Variants in MACROD2 observed in about 807,000 individuals in gnomAD.
MACROD2 encodes the protein ADP-ribose glycohydrolase MACROD2.
MACROD2 carries 36 observed loss-of-function variants against 70.4 expected under a neutral mutation model. The ratio of observed to expected loss-of-function variants is 0.51; its 90% CI spans 0.39 to 0.68. The LOEUF (loss-of-function observed/expected upper bound fraction) is 0.68, where lower values mean the gene tolerates loss of function less well. MACROD2 is among the 30% of genes least tolerant of loss of function. The pLI is 0.00. For missense variants in MACROD2, 496 were observed against 538.4 expected (o/e 0.92, Z 0.78); for synonymous variants, 172 against 178.8 (o/e 0.96, Z 0.30).
At chr20:15,360,887 C>T (rs552002208) in intron 6 of MACROD2, among the ~76,000 whole-genome samples, 1 of 151,350 alleles carries the variant, frequency 6.6e-6, no homozygotes, top group East Asian at 1.9e-4. Flanking sequence ...ATGTCCTTTG[C>T]CCATTTTCTA....
Position 15,519,052 on chromosome 20 carries a change from CTCTTTCCT to C in MACROD2, c.645+19208_645+19215del, listed in dbSNP as rs1275132976. 2.4e-4 allele frequency among the ~76,000 whole-genome samples: 34 copies of C among 141,830 alleles called. 1 individual carries two copies. The East Asian group carries it at 7.6e-3, about 32-fold the overall frequency. The allele number at this position is 141,830 out of a possible 152,430, so 93.0% of individuals were successfully genotyped here. The stretch of plus-strand genomic sequence containing the variant: ...CTATGAAGTAGGAACTGTTAACTCG[CTCTTTCCT>C]TCCTTCCTTCCTTCCTTCCTTCCTT... On this transcript the variant is annotated intron_variant, in intron 8 of 17. Coordinates refer to ENST00000684519, the MANE Select transcript of MACROD2 (RefSeq NM_001351661.2).
intron 2 of MACROD2, chr20:14,053,026 A>G (rs2053588527): frequency 6.6e-6 from 1 of 151,550 alleles, no homozygotes; most frequent in South Asian, 2.1e-4. Flanking sequence ...TGTTTCAGTG[A>G]AAATAAGTAA....
chr20:15,995,681 A>ATTTTTT (rs1209726941), intron 15 of MACROD2, among the ~76,000 whole-genome samples: 1 of 84,450 alleles, frequency 1.2e-5, no homozygotes, highest in African/African-American at 4.2e-5. Context: ...ACTTTTTAAG[A>ATTTTTT]TTCCTCATAT....
At chr20:14,859,030 G>T (rs139514188) in intron 5 of MACROD2, among the ~76,000 whole-genome samples, 2 of 152,186 alleles carry the variant, frequency 1.3e-5, no homozygotes, top group Admixed American at 1.3e-4. Context: ...TCACTATGAT[G>T]ATGCAAAGGC....
At chr20:14,737,534 C>T (rs572433463) in intron 5 of MACROD2, among the ~76,000 whole-genome samples, 1 of 152,280 alleles carries the variant, frequency 6.6e-6, no homozygotes, top group East Asian at 1.9e-4. Context: ...GCCACACTGT[C>T]TTCCATGATG....
intron 10 of MACROD2, among the ~76,000 whole-genome samples, chr20:15,900,062 G>A (rs2065041854): frequency 1.3e-5 from 2 of 152,096 alleles, no homozygotes; most frequent in South Asian, 4.1e-4. Context: ...TTTTGTGAGT[G>A]GCTGGACAGA....
intron 5 of MACROD2, among the ~76,000 whole-genome samples, chr20:14,951,980 G>C (rs189150710): frequency 6.6e-6 from 1 of 151,146 alleles, no homozygotes; most frequent in East Asian, 1.9e-4. Flanking sequence ...GGGAAATAAG[G>C]TTTGCTTGGA....
At chr20:15,504,736 T>A (rs528122658) in intron 8 of MACROD2, among the ~76,000 whole-genome samples, 1 of 152,120 alleles carries the variant, frequency 6.6e-6, no homozygotes, top group Admixed American at 6.5e-5. Context: ...GCAGTAAAAA[T>A]TGACAGCAGG....
At chr20:14,616,190 A>G (rs1396695561) in intron 4 of MACROD2, among the ~76,000 whole-genome samples, 1 of 152,150 alleles carries the variant, frequency 6.6e-6, no homozygotes, top group East Asian at 1.9e-4. Context: ...AACAGCACGT[A>G]TGTGGTCTGA....
chr20:15,967,931 A>G (rs1295137097), intron 13 of MACROD2, among the ~76,000 whole-genome samples: 1 of 152,212 alleles, frequency 6.6e-6, no homozygotes, highest in Admixed American at 6.5e-5. Context: ...TGTTATAACA[A>G]TGAGAATAAA....
intron 8 of MACROD2, among the ~76,000 whole-genome samples, chr20:15,540,018 A>G (rs1410969846): frequency 2.0e-5 from 3 of 152,048 alleles, no homozygotes; most frequent in African/African-American, 7.2e-5. Flanking sequence ...GATGGACAAC[A>G]CTCTCTAGAC....
At chr20:15,551,456 G>A (rs894233658) in intron 8 of MACROD2, among the ~76,000 whole-genome samples, 1 of 151,942 alleles carries the variant, frequency 6.6e-6, no homozygotes, top group African/African-American at 2.4e-5. Context: ...TGGACTTTCA[G>A]AAGGGACCGA....
chr20:15,251,321 T>A (rs984921393), intron 6 of MACROD2, among the ~76,000 whole-genome samples: 1 of 152,180 alleles, frequency 6.6e-6, no homozygotes, highest in Non-Finnish European at 1.5e-5. Flanking sequence ...CTTTGTTCAT[T>A]CCTCAGTTAG....
At chr20:15,931,724 G>A (rs6105496) in intron 10 of MACROD2, among the ~76,000 whole-genome samples, 5,093 of 151,662 alleles carry the variant, frequency 0.034, 171 homozygotes, top group African/African-American at 0.087. Context: ...GGTCCTGTAC[G>A]TATATTTATT....
chr20:14,024,630 CAT>C (rs1458241564), intron 2 of MACROD2, among the ~76,000 whole-genome samples: 2 of 152,056 alleles, frequency 1.3e-5, no homozygotes, highest in Admixed American at 6.6e-5. Context: ...TTAAGATAAT[CAT>C]GTGGTTTTTG....
chr20:14,317,913 G>T (rs1429084879), intron 3 of MACROD2, among the ~76,000 whole-genome samples: 2 of 152,308 alleles, frequency 1.3e-5, no homozygotes, highest in South Asian at 2.1e-4. Flanking sequence ...AAATGGTAGG[G>T]TCTGTAGCAG....
chr20:14,751,904 T>C (rs1008811885), intron 5 of MACROD2, among the ~76,000 whole-genome samples: 4 of 152,182 alleles, frequency 2.6e-5, no homozygotes, highest in Non-Finnish European at 5.9e-5. Context: ...ATAATAATCT[T>C]ACCTACCTTT....
intron 5 of MACROD2, among the ~76,000 whole-genome samples, chr20:15,141,416 T>C (rs2076191582): frequency 1.3e-5 from 2 of 152,010 alleles, no homozygotes; most frequent in African/African-American, 4.8e-5. Flanking sequence ...AAGGAGTGCA[T>C]ATAGCTACGT....
intron 8 of MACROD2, among the ~76,000 whole-genome samples, chr20:15,567,178 T>C (rs1239011663): frequency 6.6e-6 from 1 of 152,130 alleles, no homozygotes; most frequent in East Asian, 1.9e-4. Flanking sequence ...TATTAATAGT[T>C]AAAGTAAATA....
Sources: gnomAD v4.1 joint callset for allele counts (sites outside exome capture counted in the v4.1 genomes callset) on GRCh38, gnomAD v4.1.1 for gene constraint, MANE v1.5 for transcripts, NCBI Gene and HGNC (gene_info 2026-07-23, HGNC 2026-07-21) for gene names.